The following PPP1R12B variants were observed in gnomAD, a reference collection of about 807,000 sequenced individuals.
PPP1R12B encodes the protein protein phosphatase 1 regulatory subunit 12B.
In PPP1R12B, 76 loss-of-function variants were observed where a neutral mutation model predicts 126.1. The observed-to-expected ratio is 0.60, with a 90% CI of 0.50 to 0.73. The LOEUF is 0.73. Ranked by LOEUF, PPP1R12B falls within the 30% of genes least tolerant of loss-of-function variation. The pLI is 0.00. For missense variants in PPP1R12B, 1,052 were observed against 1,205.1 expected (o/e 0.87, Z 1.88); for synonymous variants, 356 against 434.7 (o/e 0.82, Z 2.25).
In PPP1R12B at chr1:202,589,311, C is replaced by T. The variant is rs1235726732; in HGVS notation, c.*8751C>T. ...GGTTTCTCCATCCAGCAAGCCCTGC[C>T]TCTGGCTTTGCTCAGCCCTGTGTTT... On this transcript the variant is annotated 3_prime_UTR_variant, in exon 24 of 24. Coordinates refer to ENST00000608999, the MANE Select transcript of PPP1R12B (RefSeq NM_002481.4). 1 of 152,212 alleles carries T rather than the reference C, an allele frequency of 6.6e-6. No homozygotes were observed. The highest frequency in any genetic ancestry group is 1.5e-5 in the Non-Finnish European group (1 of 68,046). 9.4% of individuals were successfully genotyped at this position (152,212 alleles called of 1,614,324 possible).
chr1:202,411,662 A>G (rs1410657521), intron 1 of PPP1R12B, among the ~76,000 whole-genome samples: 2 of 152,076 alleles, frequency 1.3e-5, no homozygotes, highest in Non-Finnish European at 2.9e-5. Context: ...AAAGTCAGGA[A>G]CAATTCCAAG....
intron 1 of PPP1R12B, among the ~76,000 whole-genome samples, chr1:202,356,143 T>C (rs936080549): frequency 6.6e-6 from 1 of 152,190 alleles, no homozygotes. Context: ...TTCACACCAC[T>C]GCACTCCAGC....
intron 1 of PPP1R12B, among the ~76,000 whole-genome samples, chr1:202,374,052 A>G (rs1660737003): frequency 6.6e-6 from 1 of 152,218 alleles, no homozygotes. Context: ...AGTATGCTTT[A>G]AAAGTGACAG....
intron 13 of PPP1R12B, among the ~76,000 whole-genome samples, chr1:202,458,856 A>G (rs1673962550): frequency 6.6e-6 from 1 of 152,222 alleles, no homozygotes; most frequent in African/African-American, 2.4e-5. Context: ...ATTTCAAACA[A>G]TTAGTGAGCA....
chr1:202,354,139 A>G lies in PPP1R12B; in HGVS notation c.291+4997A>G, dbSNP rs1335431919. Among the ~76,000 whole-genome samples the G allele has an allele frequency of 2.0e-5, 3 of 152,212 alleles. No homozygotes were observed. In the East Asian group the frequency reaches 5.8e-4, roughly 29 times the overall value. ...AAAACTAAGATATACTTTATATACA[A>G]TAAAATTCACTCTTTGTAGTGTAGC... On this transcript the variant is annotated intron_variant, in intron 1 of 23. Coordinates refer to ENST00000608999, the MANE Select transcript of PPP1R12B (RefSeq NM_002481.4).
chr1:202,543,816 G>A (rs1268458634), intron 18 of PPP1R12B, among the ~76,000 whole-genome samples: 4 of 152,074 alleles, frequency 2.6e-5, no homozygotes, highest in Admixed American at 1.3e-4. Context: ...GCCCTCACTC[G>A]CTCCTACCGA....
At chr1:202,543,282 CTGA>C (rs922369900) in intron 18 of PPP1R12B, among the ~76,000 whole-genome samples, 1 of 152,028 alleles carries the variant, frequency 6.6e-6, no homozygotes, top group African/African-American at 2.4e-5. Context: ...GTAACAGCAG[CTGA>C]TGATATACTC....
chr1:202,492,521 C>T (rs1416957475), intron 14 of PPP1R12B, among the ~76,000 whole-genome samples: 1 of 152,166 alleles, frequency 6.6e-6, no homozygotes, highest in Non-Finnish European at 1.5e-5. Context: ...ATTTGCCTGT[C>T]TTCTCTCTTG....
chr1:202,502,335 C>T (rs544972349), intron 18 of PPP1R12B: 5 of 985,170 alleles, frequency 5.1e-6, no homozygotes, highest in African/African-American at 1.7e-5. Flanking sequence ...CTATTAAATG[C>T]AAGGTTTTCA....
intron 23 of PPP1R12B, 141 bp downstream of exon 23, chr1:202,569,338 G>A (rs1688368033): frequency 1.2e-6 from 1 of 851,810 alleles, no homozygotes; most frequent in Non-Finnish European, 1.8e-6. Context: ...AAAAAAGTGA[G>A]CATCTCTCCT....
At chr1:202,450,682 A>T (rs924541925) in intron 13 of PPP1R12B, among the ~76,000 whole-genome samples, 1 of 152,048 alleles carries the variant, frequency 6.6e-6, no homozygotes, top group Non-Finnish European at 1.5e-5. Flanking sequence ...AGATGTATGG[A>T]TTTATTTCTG....
At position 202,575,239 on chromosome 1, in the gene PPP1R12B, G is replaced by A. The variant is rs1055041505; in HGVS notation, c.2863-5235G>A. On this transcript the variant is annotated intron_variant, in intron 23 of 23. Coordinates refer to ENST00000608999, the MANE Select transcript of PPP1R12B (RefSeq NM_002481.4). ...CTCTGTGCTCATCCCCTCCATCCGA[G>A]CCTCCATATGCAGGTTCCTGCAAAG... is the stretch of plus-strand genomic sequence containing the variant. 1.2e-5 allele frequency: 17 copies of A among 1,419,092 alleles called. No individual in the cohort carries two copies. In the African/African-American group the frequency reaches 2.3e-4, roughly 19 times the overall value. 87.9% of individuals were successfully genotyped at this position (1,419,092 alleles called of 1,614,324 possible). A position where few individuals can be genotyped will look rare whatever the true frequency, so the allele number is the denominator to read the frequency against.
intron 13 of PPP1R12B, among the ~76,000 whole-genome samples, chr1:202,484,981 G>A (rs1187001540): frequency 6.6e-6 from 1 of 152,202 alleles, no homozygotes; most frequent in Non-Finnish European, 1.5e-5. Flanking sequence ...ACAGTGGTGT[G>A]TGGCCACAGC....
In PPP1R12B at chr1:202,449,976, G is replaced by A. The variant is rs189838415; in HGVS notation, c.1850+805G>A. Reference sequence around the variant, plus strand: ...GCTGGGATTACAGGCGTGAGCCACCGCTCCCGGCTGTCGTTATGGATTTAA... The same window carrying A: ...GCTGGGATTACAGGCGTGAGCCACCACTCCCGGCTGTCGTTATGGATTTAA... On this transcript the variant is annotated intron_variant, in intron 13 of 23. Transcript: ENST00000608999. Among the ~76,000 whole-genome samples, 220 of 152,298 alleles carry A rather than the reference G, an allele frequency of 1.4e-3. 2 individuals are homozygous for A. In the East Asian group the frequency reaches 0.02, roughly 14 times the overall value.
chr1:202,475,837 C>T (rs1441781008), intron 13 of PPP1R12B, among the ~76,000 whole-genome samples: 4 of 151,836 alleles, frequency 2.6e-5, no homozygotes, highest in African/African-American at 9.7e-5. Context: ...TATGTACTTC[C>T]AGGTTGATAT....
At chr1:202,449,779 C>T (rs1268494623) in intron 13 of PPP1R12B, among the ~76,000 whole-genome samples, 2 of 152,090 alleles carry the variant, frequency 1.3e-5, no homozygotes, top group African/African-American at 2.4e-5. Flanking sequence ...CTCTGCCTCC[C>T]GGGTTCATGC....
At chr1:202,502,546 A>T in intron 18 of PPP1R12B, 2 of 844,400 alleles carry the variant, frequency 2.4e-6, no homozygotes, top group Non-Finnish European at 2.9e-6. Context: ...ACTTTTCTAG[A>T]TTCTGGGGAT....
At chr1:202,356,022 CA>C (rs200226674) in intron 1 of PPP1R12B, among the ~76,000 whole-genome samples, 1 of 150,122 alleles carries the variant, frequency 6.7e-6, no homozygotes, top group African/African-American at 2.4e-5. Flanking sequence ...CCTCCCCACC[CA>C]AAAAAAAATT....
chr1:202,374,525 TCTCA>T (rs2148462902), intron 1 of PPP1R12B, among the ~76,000 whole-genome samples: 1 of 113,336 alleles, frequency 8.8e-6, no homozygotes, highest in African/African-American at 3.3e-5. Flanking sequence ...TGAGACGGAG[TCTCA>T]CTCTGTCACC....
Sources: allele counts gnomAD v4.1 joint callset (sites outside exome capture counted in the v4.1 genomes callset), GRCh38; gene constraint gnomAD v4.1.1; transcripts MANE v1.5; gene names NCBI Gene and HGNC (gene_info 2026-07-23, HGNC 2026-07-21).